Variants in TAFA1 observed in about 807,000 individuals in gnomAD.
TAFA1 encodes TAFA chemokine like family member 1.
In TAFA1, 4 loss-of-function variants were observed where a neutral mutation model predicts 18.5. That is an observed-to-expected ratio of 0.22 (90% CI 0.11 to 0.49). The LOEUF (loss-of-function observed/expected upper bound fraction) is 0.49, where lower values mean the gene tolerates loss of function less well. TAFA1 is among the 20% of genes least tolerant of loss of function. TAFA1 has a pLI of 0.98. For missense variants in TAFA1, 147 were observed against 169.0 expected, an observed-to-expected ratio of 0.87 and a Z score of 0.72; for synonymous variants, 56 against 55.2, an observed-to-expected ratio of 1.01 and a Z score of -0.06.
chr3:68,413,513 T>C (rs1368812498), intron 2 of TAFA1, among the ~76,000 whole-genome samples: 3 of 152,208 alleles, frequency 2.0e-5, no homozygotes, highest in Non-Finnish European at 4.4e-5. Flanking sequence ...CTGTATCATC[T>C]CTAGAAAATG....
chr3:68,164,458 T>C (rs1417646786), intron 2 of TAFA1, among the ~76,000 whole-genome samples: 1 of 152,198 alleles, frequency 6.6e-6, no homozygotes, highest in African/African-American at 2.4e-5. Flanking sequence ...CCTTGGGTAA[T>C]TGCCCTGGGT....
At chr3:68,129,515 G>C (rs1447402158) in intron 2 of TAFA1, among the ~76,000 whole-genome samples, 2 of 152,092 alleles carry the variant, frequency 1.3e-5, no homozygotes, top group African/African-American at 4.8e-5. Flanking sequence ...ACATTTCCAA[G>C]GTGTCTTTCA....
rs147608389 is a variant in TAFA1, at chr3:68,194,494, A to G, written c.118+187750A>G. 4.4e-3 allele frequency among the ~76,000 whole-genome samples: 671 copies of G among 151,930 alleles called. 3 individuals carry two copies. The highest frequency in any genetic ancestry group is 7.5e-3 in the Admixed American group (114 of 15,254). ...TCTGATGACAATTGATTCAACATCA[A>G]TTGCTATGCAATCGTTATGAAAGAT... is the stretch of plus-strand genomic sequence containing the variant. On this transcript the variant is annotated intron_variant, in intron 2 of 4. Transcript: ENST00000478136.
intron 3 of TAFA1, among the ~76,000 whole-genome samples, chr3:68,439,441 A>ATATATATATATATATATATG (rs1368084224): frequency 5.4e-5 from 7 of 128,712 alleles, no homozygotes; most frequent in Non-Finnish European, 1.2e-4. Flanking sequence ...ATATATATAT[A>ATATATATATATATATATATG]TATGAGTTTA....
intron 2 of TAFA1, among the ~76,000 whole-genome samples, chr3:68,194,135 GA>G (rs1450912657): frequency 2.0e-5 from 3 of 151,644 alleles, no homozygotes; most frequent in African/African-American, 7.3e-5. Context: ...CTTAGAACTG[GA>G]ACACAGTCAT....
chr3:68,334,150 C>T (rs538250257), intron 2 of TAFA1, among the ~76,000 whole-genome samples: 52 of 152,242 alleles, frequency 3.4e-4, no homozygotes, highest in African/African-American at 1.1e-3. Flanking sequence ...AAGCTTATGA[C>T]ACACATAAAA....
At chr3:68,537,357 C>G (rs1016243955) in intron 3 of TAFA1, among the ~76,000 whole-genome samples, 1 of 152,126 alleles carries the variant, frequency 6.6e-6, no homozygotes, top group Non-Finnish European at 1.5e-5. Flanking sequence ...CATATAAAAA[C>G]TTACATACTA....
chr3:68,316,995 G>C (rs180796396), intron 2 of TAFA1, among the ~76,000 whole-genome samples: 4 of 152,142 alleles, frequency 2.6e-5, no homozygotes, highest in Admixed American at 1.3e-4. Flanking sequence ...TTTGATAGCA[G>C]TATATGAGTG....
At chr3:68,491,354 T>C (rs925578025) in intron 3 of TAFA1, among the ~76,000 whole-genome samples, 16 of 152,050 alleles carry the variant, frequency 1.1e-4, no homozygotes, top group Non-Finnish European at 2.2e-4. Flanking sequence ...GAATACTATG[T>C]AGCCATAAAA....
upstream of TAFA1, among the ~76,000 whole-genome samples, chr3:67,999,256 C>T (rs1704255819): frequency 2.6e-5 from 1 of 38,050 alleles, no homozygotes; most frequent in South Asian, 1.4e-3. Flanking sequence ...CTCTCTCTCT[C>T]ATTCTCTCTA....
rs552381944 is a variant in TAFA1 at position 68,535,389 on chromosome 3, A to G, written c.260-3367A>G. 5.9e-5 allele frequency among the ~76,000 whole-genome samples: 9 copies of G among 152,182 alleles called. No individual in the cohort carries two copies. In the East Asian group the frequency reaches 1.7e-3, roughly 29 times the overall value. ...CAGAGCACTGCCATCAAAAAGAAAAAAAAAAAAACAACTTTAAACTCTCAA... is the reference window on the plus strand; with the variant it reads ...CAGAGCACTGCCATCAAAAAGAAAAGAAAAAAAACAACTTTAAACTCTCAA... On this transcript the variant is annotated intron_variant, in intron 3 of 4. Coordinates refer to ENST00000478136, the MANE Select transcript of TAFA1 (RefSeq NM_213609.4).
intron 2 of TAFA1, among the ~76,000 whole-genome samples, chr3:68,157,573 G>T (rs1192742465): frequency 1.3e-5 from 2 of 152,152 alleles, no homozygotes; most frequent in Non-Finnish European, 2.9e-5. Context: ...AAATCTTATG[G>T]TCTCATCTCC....
intron 3 of TAFA1, among the ~76,000 whole-genome samples, chr3:68,418,535 G>A (rs1389413989): frequency 6.6e-6 from 1 of 151,364 alleles, no homozygotes; most frequent in Non-Finnish European, 1.5e-5. Flanking sequence ...GGCGGAGCAG[G>A]GCATATTCAC....
chr3:68,188,740 C>A (rs2066301965), intron 2 of TAFA1, among the ~76,000 whole-genome samples: 1 of 151,782 alleles, frequency 6.6e-6, no homozygotes, highest in Admixed American at 6.6e-5. Context: ...TGCTATTTTG[C>A]ACTAAGGACA....
intron 3 of TAFA1, among the ~76,000 whole-genome samples, chr3:68,435,625 A>T: frequency 6.6e-6 from 1 of 152,294 alleles, no homozygotes; most frequent in Admixed American, 6.5e-5. Context: ...TCTGATATTT[A>T]GGGTAACAAA....
At chr3:68,337,452 A>C (rs2068992711) in intron 2 of TAFA1, among the ~76,000 whole-genome samples, 1 of 152,212 alleles carries the variant, frequency 6.6e-6, no homozygotes, top group South Asian at 2.1e-4. Context: ...ACAACTGGAC[A>C]TGAGATTTGG....
At chr3:68,265,082 G>A (rs749956679) in intron 2 of TAFA1, among the ~76,000 whole-genome samples, 9 of 152,146 alleles carry the variant, frequency 5.9e-5, no homozygotes, top group Non-Finnish European at 1.2e-4. Context: ...AGCAAGATAT[G>A]TGTTCAATTT....
intron 2 of TAFA1, among the ~76,000 whole-genome samples, chr3:68,366,996 C>A (rs1426538494): frequency 6.6e-6 from 1 of 152,134 alleles, no homozygotes; most frequent in South Asian, 2.1e-4. Context: ...TCCTTACCCC[C>A]CAGTTCTAAG....
At chr3:68,107,799 T>C (rs1011865085) in intron 2 of TAFA1, among the ~76,000 whole-genome samples, 2 of 152,176 alleles carry the variant, frequency 1.3e-5, no homozygotes, top group African/African-American at 4.8e-5. Context: ...AGTCTAGTTT[T>C]AAATCCAAAT....
Sources: gnomAD v4.1 joint callset for allele counts (sites outside exome capture counted in the v4.1 genomes callset) on GRCh38, gnomAD v4.1.1 for gene constraint, MANE v1.5 for transcripts, NCBI Gene and HGNC (gene_info 2026-07-23, HGNC 2026-07-21) for gene names.